Variants in CNTNAP5 observed in about 807,000 individuals in gnomAD.
The protein encoded by CNTNAP5 is contactin-associated protein-like 5.
Under a neutral mutation model 150.2 loss-of-function variants are expected in CNTNAP5, and 72 were observed. The observed-to-expected ratio is 0.48, with a 90% confidence interval of 0.40 to 0.58. The LOEUF (loss-of-function observed/expected upper bound fraction) is 0.58, where lower values mean the gene tolerates loss of function less well. Ranked by LOEUF, CNTNAP5 falls within the 20% of genes least tolerant of loss-of-function variation. CNTNAP5 has a pLI of 0.00. For missense variants in CNTNAP5, 1,636 were observed against 1,626.2 expected, an observed-to-expected ratio of 1.01 and a Z score of -0.10; for synonymous variants, 672 against 619.8, an observed-to-expected ratio of 1.08 and a Z score of -1.25.
chr2:124,090,681 A>G (rs1309701989), intron 1 of CNTNAP5, among the ~76,000 whole-genome samples: 3 of 152,206 alleles, frequency 2.0e-5, no homozygotes, highest in Admixed American at 2.0e-4. Context: ...TGATAGCTTT[A>G]AAAAAAGAAG....
intron 1 of CNTNAP5, among the ~76,000 whole-genome samples, chr2:124,036,778 T>C (rs1309195790): frequency 6.6e-6 from 1 of 152,182 alleles, no homozygotes; most frequent in Non-Finnish European, 1.5e-5. Flanking sequence ...ACAGTTGTTC[T>C]TTTCCCCATT....
rs955337934 is a variant in CNTNAP5, at chr2:124,915,051, G to A, written c.*763G>A. On this transcript the variant is annotated 3_prime_UTR_variant, in exon 24 of 24. Transcript: ENST00000682447. ...GAGGTAACAAGAAAGCTTCTAGGAA[G>A]TAGATGTTCCATATCTTCAAAATGC... 6.3e-6 allele frequency: 1 copy of A among 158,084 alleles called. No individual in the cohort carries two copies. Among genetic ancestry groups the A allele is most frequent in the African/African-American group, 2.4e-5 (1 of 41,376 alleles). 9.8% of individuals were successfully genotyped at this position (158,084 alleles called of 1,614,324 possible). A position where few individuals can be genotyped will look rare whatever the true frequency, so the allele number is the denominator to read the frequency against.
chr2:124,327,957 C>T (rs750993371), intron 3 of CNTNAP5, among the ~76,000 whole-genome samples: 5 of 151,772 alleles, frequency 3.3e-5, no homozygotes, highest in Non-Finnish European at 7.4e-5. Flanking sequence ...ATAAGATTGT[C>T]GTGAAAATTA....
chr2:124,147,626 A>T (rs1332116185), intron 1 of CNTNAP5, among the ~76,000 whole-genome samples: 4 of 152,238 alleles, frequency 2.6e-5, no homozygotes, highest in Non-Finnish European at 4.4e-5. Context: ...TTTGCTCCAG[A>T]TGTCCTTCTG....
At chr2:124,386,176 T>C (rs771993510) in intron 3 of CNTNAP5, among the ~76,000 whole-genome samples, 2 of 152,300 alleles carry the variant, frequency 1.3e-5, no homozygotes, top group East Asian at 1.9e-4. Context: ...CTTTGTATGA[T>C]AGCTGCGCAG....
chr2:124,035,641 A>G lies in CNTNAP5; in HGVS notation c.82+9909A>G, dbSNP rs373749467. ...TAATTTCTTAAATTTTATCTTCAAC[A>G]CTCAGGCAAATTTGCATTCAGCTCC... On this transcript the variant is annotated intron_variant, in intron 1 of 23. Coordinates refer to ENST00000682447, the MANE Select transcript of CNTNAP5 (RefSeq NM_001367498.1). Among the ~76,000 whole-genome samples, 7 of 152,092 alleles carry G rather than the reference A, an allele frequency of 4.6e-5. No individual in the cohort carries two copies. The East Asian group carries it at 9.6e-4, about 21-fold the overall frequency.
intron 3 of CNTNAP5, among the ~76,000 whole-genome samples, chr2:124,332,126 C>T (rs990471844): frequency 3.3e-5 from 5 of 151,540 alleles, no homozygotes; most frequent in Non-Finnish European, 7.4e-5. Flanking sequence ...TTCTATAAAT[C>T]TCTCTCTTCT....
At chr2:124,121,788 T>C (rs1399349705) in intron 1 of CNTNAP5, among the ~76,000 whole-genome samples, 6 of 152,176 alleles carry the variant, frequency 3.9e-5, no homozygotes, top group Non-Finnish European at 7.3e-5. Flanking sequence ...GCAGCCCACA[T>C]TGATCTTTCC....
chr2:124,629,383 A>C (rs1446224340), intron 12 of CNTNAP5, among the ~76,000 whole-genome samples: 2 of 152,216 alleles, frequency 1.3e-5, no homozygotes, highest in Non-Finnish European at 2.9e-5. Context: ...TGTGCAATTA[A>C]ATTAGAACTC....
chr2:124,213,140 TG>T (rs919415983), intron 1 of CNTNAP5, among the ~76,000 whole-genome samples: 27 of 152,174 alleles, frequency 1.8e-4, no homozygotes, highest in African/African-American at 6.5e-4. Context: ...GCCTGGCCTA[TG>T]TGTAGATAAT....
chr2:124,696,788 A>G (rs1324045853), intron 13 of CNTNAP5, among the ~76,000 whole-genome samples: 1 of 152,108 alleles, frequency 6.6e-6, no homozygotes, highest in Non-Finnish European at 1.5e-5. Flanking sequence ...ACCACTAAAC[A>G]CACATTCACA....
intron 3 of CNTNAP5, among the ~76,000 whole-genome samples, chr2:124,355,101 T>A (rs1689964097): frequency 6.6e-6 from 1 of 150,960 alleles, no homozygotes; most frequent in Non-Finnish European, 1.5e-5. Context: ...TATTTAATAT[T>A]TCTAATTACA....
chr2:124,391,160 T>A (rs1024007374), intron 3 of CNTNAP5, among the ~76,000 whole-genome samples: 49 of 152,324 alleles, frequency 3.2e-4, no homozygotes, highest in Non-Finnish European at 5.9e-5. Context: ...ACAGAGACTG[T>A]CTAGGAAATT....
intron 6 of CNTNAP5, among the ~76,000 whole-genome samples, chr2:124,473,634 G>C (rs1173848196): frequency 6.6e-6 from 1 of 151,908 alleles, no homozygotes; most frequent in African/African-American, 2.4e-5. Flanking sequence ...CAGCTAAAAA[G>C]AGACAGTGAA....
chr2:124,402,785 GT>G (rs1691462601), intron 3 of CNTNAP5, among the ~76,000 whole-genome samples: 1 of 152,220 alleles, frequency 6.6e-6, no homozygotes. Context: ...ATAAGGAAGA[GT>G]GGGGGAAAAG....
intron 1 of CNTNAP5, among the ~76,000 whole-genome samples, chr2:124,063,112 T>C (rs1449861837): frequency 6.6e-6 from 1 of 152,086 alleles, no homozygotes; most frequent in African/African-American, 2.4e-5. Flanking sequence ...CAAGGGAATA[T>C]TGGGGGCAGT....
At position 124,527,401 on chromosome 2, in the gene CNTNAP5, G is replaced by T. The variant is rs769080278; in HGVS notation, c.1594G>T (p.Gly532Cys). ...CAAGGACCTCATTTCAGTTCAGCAA[G>T]GTTCCCTGGGGAATTTTAGTGATTT... ...QPKDLISVQQ[G>C]SLGNFSDLHI... is the part of the protein sequence containing the mutation. The change falls in exon 10 of 24, where the codon GGT (glycine) becomes TGT (cysteine). Residue 532 changes from glycine (G) to cysteine (C), a missense_variant. Transcript: ENST00000682447. 22 of 1,613,630 alleles carry T rather than the reference G, an allele frequency of 1.4e-5. No individual in the cohort carries two copies. Among genetic ancestry groups the T allele is most frequent in the Non-Finnish European group, 1.7e-5 (20 of 1,179,708 alleles).
intron 23 of CNTNAP5, among the ~76,000 whole-genome samples, chr2:124,912,833 T>C (rs1465929355): frequency 6.6e-6 from 1 of 152,054 alleles, no homozygotes; most frequent in African/African-American, 2.4e-5. Context: ...GACTATCCCA[T>C]GCATTGAAGG....
chr2:124,178,944 TTATTTATTTA>T, intron 1 of CNTNAP5, among the ~76,000 whole-genome samples: 1 of 150,548 alleles, frequency 6.6e-6, no homozygotes, highest in Admixed American at 6.6e-5. Flanking sequence ...ATTTATTTAT[TTATTTATTTA>T]TTTTGTGTGT....
Sources: gnomAD v4.1 joint callset for allele counts (sites outside exome capture counted in the v4.1 genomes callset) on GRCh38, gnomAD v4.1.1 for gene constraint, MANE v1.5 for transcripts, NCBI Gene and HGNC (gene_info 2026-07-23, HGNC 2026-07-21) for gene names.